Variants in ALMS1 observed in about 807,000 individuals in gnomAD.
ALMS1 encodes ALMS1 centrosome and basal body associated protein.
ALMS1 carries 271 observed loss-of-function variants against 352.2 expected under a neutral mutation model. The observed-to-expected ratio is 0.77, with a 90% confidence interval of 0.70 to 0.85. The LOEUF is 0.85. ALMS1 is among the 40% of genes least tolerant of loss of function. The pLI, the probability that ALMS1 is intolerant of heterozygous loss-of-function variation, is 0.00. For missense variants in ALMS1, 5,445 were observed against 4,870.7 expected, an observed-to-expected ratio of 1.12 and a Z score of -3.51; for synonymous variants, 1,865 against 1,761.2, an observed-to-expected ratio of 1.06 and a Z score of -1.48.
At chr2:73,410,490 A>G (rs1671054405) in intron 2 of ALMS1, among the ~76,000 whole-genome samples, 1 of 152,160 alleles carries the variant, frequency 6.6e-6, no homozygotes, top group African/African-American at 2.4e-5. Context: ...GTATCTGGAC[A>G]CTCCATGATC....
At chr2:73,438,224 G>A (rs141725679) in intron 7 of ALMS1, among the ~76,000 whole-genome samples, 5 of 152,264 alleles carry the variant, frequency 3.3e-5, no homozygotes, top group Non-Finnish European at 5.9e-5. Flanking sequence ...GATTCATATT[G>A]TATTGAAATG....
In ALMS1 at chr2:73,408,627, TC is replaced by T. The variant is rs763706936; in HGVS notation, c.332del (p.Pro111HisfsTer2). On this transcript the variant is annotated frameshift_variant, in exon 2 of 23. Transcript: ENST00000613296. LOFTEE classifies it high-confidence loss of function. ...AGCCTGCTTTTGATTTTCAGATTGT[TC>T]CATTGACCTGTCATGTATGGCAACA... ...GERTSLEKIV[P>X]LTCHVWQQIV... The T allele has an allele frequency of 6.2e-6, 10 of 1,613,070 alleles. No homozygotes were observed. The highest frequency in any genetic ancestry group is 8.5e-6 in the Non-Finnish European group (10 of 1,179,376).
chr2:73,593,049 G>A (rs191954245), intron 16 of ALMS1, among the ~76,000 whole-genome samples: 16 of 152,194 alleles, frequency 1.1e-4, no homozygotes, highest in African/African-American at 3.9e-4. Context: ...TTATGTGTCA[G>A]CTCCATTGCA....
In ALMS1 at chr2:73,416,982, A is replaced by G. The variant is rs138786096; in HGVS notation, c.451-2141A>G. ...TGAGTGCCTGCCAGTAGTCCCAGCTACTCAGGATACTGAGGATGACAGGAT... is the reference window on the plus strand; with the variant it reads ...TGAGTGCCTGCCAGTAGTCCCAGCTGCTCAGGATACTGAGGATGACAGGAT... On this transcript the variant is annotated intron_variant, in intron 2 of 22. Transcript: ENST00000613296. Among the ~76,000 whole-genome samples the G allele has an allele frequency of 3.0e-4, 45 of 152,212 alleles. 1 individual carries two copies. In the East Asian group the frequency reaches 7.2e-3, roughly 24 times the overall value.
intron 1 of ALMS1, among the ~76,000 whole-genome samples, chr2:73,403,826 A>T (rs993463015): frequency 6.6e-6 from 1 of 152,038 alleles, no homozygotes; most frequent in South Asian, 2.1e-4. Context: ...TCTTTTTCAT[A>T]TAAGTAGTTA....
intron 11 of ALMS1, among the ~76,000 whole-genome samples, chr2:73,524,771 A>G (rs1166289235): frequency 2.0e-5 from 3 of 152,146 alleles, no homozygotes; most frequent in Non-Finnish European, 4.4e-5. Context: ...TTATTTTAAA[A>G]TGTACAGTGA....
rs149096794 is a variant in ALMS1 at position 73,452,609 on chromosome 2, T to G, written c.6082T>G (p.Ser2028Ala). The part of the protein sequence containing the change: ...SYSQIEKPKI[S>A]TVIGPNDQKT... ...CTCACAAATAGAGAAGCCCAAGATT[T>G]CAACTGTGATTGGACCAAATGACCA... Residue 2028 changes from serine to alanine, a missense_variant, in exon 8 of 23, where the codon TCA becomes GCA. Physicochemically the swap from Ser to Ala is moderately conservative, Grantham distance 99. Coordinates refer to ENST00000613296, the MANE Select transcript of ALMS1 (RefSeq NM_001378454.1). 1 of 1,614,070 alleles carries G rather than the reference T, an allele frequency of 6.2e-7. No individual in the cohort carries two copies. Among genetic ancestry groups the G allele is most frequent in the Admixed American group, 1.7e-5 (1 of 60,018 alleles).
chr2:73,399,936 GTT>G (rs1382540969), intron 1 of ALMS1, among the ~76,000 whole-genome samples: 20 of 119,076 alleles, frequency 1.7e-4, no homozygotes, highest in Non-Finnish European at 1.8e-4. Context: ...TATATTAATT[GTT>G]TTTTTTTTTT....
At chr2:73,542,752 C>G (rs921583426) in intron 12 of ALMS1, among the ~76,000 whole-genome samples, 2 of 152,044 alleles carry the variant, frequency 1.3e-5, no homozygotes, top group Non-Finnish European at 2.9e-5. Flanking sequence ...CATGAGTGAA[C>G]TCCCATTCAC....
intron 13 of ALMS1, among the ~76,000 whole-genome samples, chr2:73,553,848 A>G (rs886673309): frequency 3.3e-5 from 5 of 152,194 alleles, no homozygotes; most frequent in African/African-American, 1.2e-4. Context: ...TAGTATAAGA[A>G]TAAATCCCAG....
In ALMS1 at chr2:73,552,042, G is replaced by GT. The variant is rs201153182; in HGVS notation, c.10078+1613dup. ...GAGAAAAATAAATGAGATCTGCATG[G>GT]TTTTTTTTATTTTATTTTATTATTG... On this transcript the variant is annotated intron_variant, in intron 13 of 22. Transcript: ENST00000613296. Among the ~76,000 whole-genome samples the GT allele has an allele frequency of 6.2e-3, 946 of 151,918 alleles. 11 individuals are homozygous for GT. The highest frequency in any genetic ancestry group is 0.037 in the Middle Eastern group (11 of 294).
At chr2:73,397,433 A>G (rs1670786515) in intron 1 of ALMS1, among the ~76,000 whole-genome samples, 1 of 150,262 alleles carries the variant, frequency 6.7e-6, no homozygotes, top group South Asian at 2.1e-4. Flanking sequence ...CAAGCTCTTT[A>G]TATGCTTCAC....
At chr2:73,475,590 G>A (rs1224059099) in intron 9 of ALMS1, among the ~76,000 whole-genome samples, 2 of 151,980 alleles carry the variant, frequency 1.3e-5, no homozygotes, top group Non-Finnish European at 2.9e-5. Context: ...TGAGTTGCAA[G>A]CATTCTTTTT....
At chr2:73,518,245 G>T (rs751156640) in intron 10 of ALMS1, among the ~76,000 whole-genome samples, 2 of 152,062 alleles carry the variant, frequency 1.3e-5, no homozygotes, top group Non-Finnish European at 2.9e-5. Flanking sequence ...GCATTAGTTT[G>T]CTAAGGATAA....
At chr2:73,454,538 A>G (rs1299819431) in intron 8 of ALMS1, 1 of 211,608 alleles carries the variant, frequency 4.7e-6, no homozygotes, top group Non-Finnish European at 8.2e-6. Flanking sequence ...TTCTAATAGA[A>G]CTCTTGGTGT....
rs55889738 is a variant in ALMS1 at position 73,385,903 on chromosome 2, TGGAGGAGGAGGAGGAGGAGGA to T, written c.54_74del (p.Glu22_Glu28del). The T allele has an allele frequency of 4.3e-5, 30 of 701,370 alleles. No homozygotes were observed. The highest frequency in any genetic ancestry group is 6.6e-5 in the South Asian group (4 of 60,208). 43.4% of individuals were successfully genotyped at this position (701,370 alleles called of 1,614,324 possible). A position where few individuals can be genotyped will look rare whatever the true frequency, so the allele number is the denominator to read the frequency against. ...GAGGATCTGCCATGGCCGGGCGAGCTGGAGGAGGAGGAGGAGGAGGAGGAGGAGGAGGAGGAGGAAGAGGAG... is the reference window on the plus strand; with the variant it reads ...GAGGATCTGCCATGGCCGGGCGAGCTGGAGGAGGAGGAGGAGGAAGAGGAG... On this transcript the variant is annotated inframe_deletion, in exon 1 of 23. Transcript: ENST00000613296.
rs761177629 is a variant in ALMS1 at position 73,449,423 on chromosome 2, C to G, written c.2896C>G (p.Gln966Glu). Residue 966 changes from glutamine (Q) to glutamate (E), a missense_variant, in exon 8 of 23, where the codon CAG (glutamine) becomes GAG (glutamate). Transcript: ENST00000613296. ...TAGCGAGAAATCTAGTGTTTTCTACCAGCAAGAGTTGCCAGACAGTGATCT... is the reference window on the plus strand; with the variant it reads ...TAGCGAGAAATCTAGTGTTTTCTACGAGCAAGAGTTGCCAGACAGTGATCT... ...SHSEKSSVFY[Q>E]QELPDSDLPR... The G allele has an allele frequency of 6.2e-6, 10 of 1,614,044 alleles. No homozygotes were observed. Among genetic ancestry groups the G allele is most frequent in the Non-Finnish European group, 8.5e-6 (10 of 1,179,978 alleles).
At chr2:73,472,705 A>G (rs1434774038) in intron 9 of ALMS1, among the ~76,000 whole-genome samples, 10 of 152,086 alleles carry the variant, frequency 6.6e-5, no homozygotes, top group Admixed American at 6.6e-4. Flanking sequence ...TAGATGAACA[A>G]TGACTTTGAA....
chr2:73,426,139 C>T (rs539084888), intron 5 of ALMS1, among the ~76,000 whole-genome samples: 2 of 152,310 alleles, frequency 1.3e-5, no homozygotes, highest in South Asian at 2.1e-4. Context: ...TTTGGTTTTA[C>T]AAGATTTAAA....
Sources: gnomAD v4.1 joint callset for allele counts (sites outside exome capture counted in the v4.1 genomes callset) on GRCh38, gnomAD v4.1.1 for gene constraint, MANE v1.5 for transcripts, NCBI Gene and HGNC (gene_info 2026-07-23, HGNC 2026-07-21) for gene names.